LLGL2: variants seen among roughly 807,000 people sequenced by gnomAD.
LLGL2 encodes LLGL scribble cell polarity complex component 2.
Under a neutral mutation model 123.2 loss-of-function variants are expected in LLGL2, and 81 were observed. The observed-to-expected ratio is 0.66, with a 90% CI of 0.55 to 0.79. The LOEUF is 0.79. LLGL2 is among the 30% of genes least tolerant of loss of function. The pLI is 0.00. For synonymous variants in LLGL2, 577 were observed against 594.1 expected, an observed-to-expected ratio of 0.97 and a Z score of 0.42; for missense variants, 1,273 against 1,414.6, an observed-to-expected ratio of 0.90 and a Z score of 1.61.
rs942160075 is a variant in LLGL2, at chr17:75,525,974, G to T, written c.-31+149G>T. On this transcript the variant is annotated intron_variant, in intron 1 of 25. Transcript: ENST00000392550. This position sits in a 1 kb window ranked among gnomAD's most constrained non-coding sequence, Gnocchi z 4.8. ...GTCCGCGCGCCTCGCCCCTGTCCGCGTCGCTGTGCTGGCCTGGAAGAGAGA... is the reference window on the plus strand; with the variant it reads ...GTCCGCGCGCCTCGCCCCTGTCCGCTTCGCTGTGCTGGCCTGGAAGAGAGA... 1 of 152,268 alleles carries T rather than the reference G, an allele frequency of 6.6e-6. No individual in the cohort carries two copies. Among genetic ancestry groups the T allele is most frequent in the African/African-American group, 2.4e-5 (1 of 41,446 alleles). The allele number at this position is 152,268 out of a possible 1,614,324, so 9.4% of individuals were successfully genotyped here.
chr17:75,574,503 A>G lies in LLGL2; in HGVS notation c.2996+8A>G. On this transcript the variant is annotated splice_region_variant and intron_variant, in intron 24 of 25. Coordinates refer to ENST00000392550, the MANE Select transcript of LLGL2 (RefSeq NM_001031803.2). ...ACTGGAGGGAGACCGCGGGTGAGGCACCGCCCAGGCCAGCTGGGGTGGGCC... is the reference window on the plus strand; with the variant it reads ...ACTGGAGGGAGACCGCGGGTGAGGCGCCGCCCAGGCCAGCTGGGGTGGGCC... 6.4e-7 allele frequency: 1 copy of G among 1,563,262 alleles called. No individual in the cohort carries two copies.
At chr17:75,572,195 G>A in intron 19 of LLGL2, 131 bp downstream of exon 19, 1 of 904,250 alleles carries the variant, frequency 1.1e-6, no homozygotes, top group Non-Finnish European at 1.7e-6. Flanking sequence ...CAGAAGTACA[G>A]GAAATAAGTG....
In LLGL2 at chr17:75,569,819, A is replaced by T. The variant is rs530117018; in HGVS notation, c.1582-144A>T. On this transcript the variant is annotated intron_variant, in intron 14 of 25. Transcript: ENST00000392550. The stretch of plus-strand genomic sequence containing the variant: ...CTTGTCTCAAAAAAAAAAAAAAAAA[A>T]TGCAGGAGAGCTGGGGTTGGACAGA... 409 of 747,596 alleles carry T rather than the reference A, an allele frequency of 5.5e-4. 2 individuals are homozygous for T. In the Middle Eastern group the frequency reaches 6.2e-3, roughly 11 times the overall value. The allele number at this position is 747,596 out of a possible 1,614,324, so 46.3% of individuals were successfully genotyped here. A position where few individuals can be genotyped will look rare whatever the true frequency, so the allele number is the denominator to read the frequency against.
At position 75,568,765 on chromosome 17, in the gene LLGL2, T is replaced by C. The variant is rs749001753; in HGVS notation, c.1255-7T>C. On this transcript the variant is annotated splice_polypyrimidine_tract_variant and splice_region_variant and intron_variant, in intron 11 of 25. Transcript: ENST00000392550. ...TCTCCCATGGACTTCTTGGTCTCTT[T>C]TTCTAGGAGTGGCCAATTGATGGTG... The C allele has an allele frequency of 1.9e-6, 3 of 1,608,622 alleles. No homozygotes were observed. The highest frequency in any genetic ancestry group is 1.7e-6 in the Non-Finnish European group (2 of 1,176,708).
rs772747700 is a variant in LLGL2 at position 75,570,149 on chromosome 17, G to C, written c.1768G>C (p.Val590Leu). The C allele has an allele frequency of 1.9e-6, 3 of 1,591,972 alleles. No homozygotes were observed. The highest frequency in any genetic ancestry group is 2.6e-6 in the Non-Finnish European group (3 of 1,169,976). The change falls in exon 15 of 26, where the codon GTG (valine) becomes CTG (leucine). Residue 590 changes from valine (V) to leucine (L), a missense_variant. Physicochemically the swap from Val to Leu is conservative, Grantham distance 32. Coordinates refer to ENST00000392550, the MANE Select transcript of LLGL2 (RefSeq NM_001031803.2). ...GTTGGTGCAGTGTCAGCCCCCGGCT[G>C]TGGTCACCTCCTTGGCCCTGCACTC... The part of the protein sequence containing the change: ...FVLVQCQPPA[V>L]VTSLALHSEW...
At position 75,575,031 on chromosome 17, in the gene LLGL2, G is replaced by A. The variant is rs2055910555; in HGVS notation, c.*153G>A. Reference sequence around the variant, plus strand: ...AATGCAGCTGCTCTGGGCCTCGGGAGAGGAGAGACCCCAGTCCCCTGGGCT... The same window carrying A: ...AATGCAGCTGCTCTGGGCCTCGGGAAAGGAGAGACCCCAGTCCCCTGGGCT... On this transcript the variant is annotated 3_prime_UTR_variant, in exon 26 of 26. Coordinates refer to ENST00000392550, the MANE Select transcript of LLGL2 (RefSeq NM_001031803.2). 5.6e-6 allele frequency: 6 copies of A among 1,070,280 alleles called. No individual in the cohort carries two copies. The highest frequency in any genetic ancestry group is 1.7e-5 in the Admixed American group (1 of 58,028). 66.3% of individuals were successfully genotyped at this position (1,070,280 alleles called of 1,614,324 possible). A position where few individuals can be genotyped will look rare whatever the true frequency, so the allele number is the denominator to read the frequency against.
intron 15 of LLGL2, 24 bp downstream of exon 15, chr17:75,570,279 G>A (rs560923189): frequency 4.6e-5 from 74 of 1,597,440 alleles, no homozygotes; most frequent in South Asian, 3.6e-4. Context: ...GCTGGGTCCC[G>A]GGGCTGGGAG....
chr17:75,563,238 C>T (rs188129364), intron 7 of LLGL2, 60 bp downstream of exon 7: 2 of 1,608,964 alleles, frequency 1.2e-6, no homozygotes, highest in East Asian at 2.2e-5. Context: ...CCAAGTGGCA[C>T]ATACACACTG....
intron 9 of LLGL2, 106 bp downstream of exon 9, chr17:75,563,912 G>A: frequency 8.8e-7 from 1 of 1,131,610 alleles, no homozygotes; most frequent in Non-Finnish European, 1.3e-6. Flanking sequence ...ACACTCTCAG[G>A]TCCCGTGTTG....
At chr17:75,574,806 C>T (rs980259137) in intron 25 of LLGL2, 65 bp from the exon 26 acceptor site, 56 of 1,603,064 alleles carry the variant, frequency 3.5e-5, no homozygotes, top group South Asian at 8.8e-5. Context: ...CTGGGCTCAG[C>T]GTGGGCGGCT....
At chr17:75,562,731 GC>G in intron 6 of LLGL2, 1 of 423,652 alleles carries the variant, frequency 2.4e-6, no homozygotes, top group Non-Finnish European at 4.4e-6. Flanking sequence ...ACCACGCCCA[GC>G]TAATGTTTTA....
Position 75,574,700 on chromosome 17 carries a change from A to G in LLGL2, c.3055+32A>G, listed in dbSNP as rs370676948. 1.9e-6 allele frequency: 3 copies of G among 1,606,798 alleles called. No individual in the cohort carries two copies. In the South Asian group the frequency reaches 3.3e-5, roughly 18 times the overall value. ...GCTCTGGGCTTGAGTGCAGCTGCCAACCGTGCTGGGAAGGGCTGGGAGGAA... is the reference window on the plus strand; with the variant it reads ...GCTCTGGGCTTGAGTGCAGCTGCCAGCCGTGCTGGGAAGGGCTGGGAGGAA... On this transcript the variant is annotated intron_variant, in intron 25 of 25. Coordinates refer to ENST00000392550, the MANE Select transcript of LLGL2 (RefSeq NM_001031803.2).
intron 17 of LLGL2, 104 bp downstream of exon 17, chr17:75,571,204 T>G: frequency 8.8e-7 from 1 of 1,134,588 alleles, no homozygotes; most frequent in Non-Finnish European, 1.3e-6. Flanking sequence ...TGGTAGGAGC[T>G]AAGAGGTTTC....
chr17:75,571,310 C>G, intron 17 of LLGL2: 2 of 593,664 alleles, frequency 3.4e-6, no homozygotes, highest in Middle Eastern at 4.5e-4. Flanking sequence ...ATATCCAGGC[C>G]GTAGCACCCT....
chr17:75,573,915 C>T (rs906381571), intron 21 of LLGL2, 37 bp from the exon 22 acceptor site: 3 of 1,550,124 alleles, frequency 1.9e-6, no homozygotes, highest in Admixed American at 3.9e-5. Flanking sequence ...GGCAGGGAGC[C>T]CGGGGGCCCT....
chr17:75,556,099 C>T lies in LLGL2; in HGVS notation c.129C>T (p.Ser43=), dbSNP rs769584328. 3 of 1,610,294 alleles carry T rather than the reference C, an allele frequency of 1.9e-6. No homozygotes were observed. The highest frequency in any genetic ancestry group is 1.3e-5 in the African/African-American group (1 of 74,922). The change falls in exon 3 of 26, where the codon TCC becomes TCT. Residue 43 remains serine (S), a synonymous_variant. Transcript: ENST00000392550. The part of the protein sequence containing the change: ...HQPSALGYSP[S]LRILAIGTRS... ...CCAGCGCCCTCGGCTACAGCCCGTCCCTGCGCATCCTGGCCATCGGCACCC... is the reference window on the plus strand; with the variant it reads ...CCAGCGCCCTCGGCTACAGCCCGTCTCTGCGCATCCTGGCCATCGGCACCC...
At chr17:75,533,325 G>A (rs1341598947) in intron 1 of LLGL2, among the ~76,000 whole-genome samples, 1 of 53,316 alleles carries the variant, frequency 1.9e-5, no homozygotes, top group Non-Finnish European at 3.7e-5. Flanking sequence ...TTTTTTTTGA[G>A]ATGGAGTCTC....
chr17:75,553,892 A>G (rs2054786470), intron 2 of LLGL2, among the ~76,000 whole-genome samples: 1 of 152,206 alleles, frequency 6.6e-6, no homozygotes, highest in South Asian at 2.1e-4. Flanking sequence ...GAGTCCAAGA[A>G]TGCCATCGAC....
chr17:75,538,185 G>C (rs1377241715), intron 1 of LLGL2, among the ~76,000 whole-genome samples: 1 of 152,156 alleles, frequency 6.6e-6, no homozygotes, highest in African/African-American at 2.4e-5. Flanking sequence ...ATAGTGAATG[G>C]GGCCAGGGTG....
Sources: gnomAD v4.1 joint callset for allele counts (sites outside exome capture counted in the v4.1 genomes callset) on GRCh38, gnomAD v4.1.1 for gene constraint, Gnocchi (gnomAD v3.1) non-coding constraint, MANE v1.5 for transcripts, NCBI Gene and HGNC (gene_info 2026-07-23, HGNC 2026-07-21) for gene names.